Variants in CCDC33 observed in about 807,000 individuals in gnomAD.
CCDC33 encodes the protein coiled-coil domain containing 33.
A neutral mutation model predicts 91.9 loss-of-function variants in CCDC33; 94 were observed. That is an observed-to-expected ratio of 1.02 (90% CI 0.87 to 1.21). The LOEUF is 1.21. Ranked by LOEUF, CCDC33 falls within the 50% of genes most tolerant of loss-of-function variation. The pLI, the probability that CCDC33 is intolerant of heterozygous loss-of-function variation, is 0.00. For synonymous variants in CCDC33, 396 were observed against 374.5 expected (o/e 1.06, Z -0.66); for missense variants, 940 against 935.5 (o/e 1.00, Z -0.06).
intron 2 of CCDC33, among the ~76,000 whole-genome samples, chr15:74,211,152 C>T (rs960789267): frequency 2.7e-4 from 6 of 22,530 alleles, no homozygotes; most frequent in South Asian, 4.9e-3. Flanking sequence ...CGCACGCACA[C>T]GCACACACAC....
At chr15:74,289,676 C>T (rs939622629) in intron 10 of CCDC33, among the ~76,000 whole-genome samples, 1 of 152,250 alleles carries the variant, frequency 6.6e-6, no homozygotes, top group African/African-American at 2.4e-5. Context: ...GATGGTGCCA[C>T]TTGGGGGTGC....
chr15:74,244,502 A>T lies in CCDC33; in HGVS notation c.185+354A>T, dbSNP rs917963686. Among the ~76,000 whole-genome samples the T allele has an allele frequency of 1.1e-4, 17 of 151,842 alleles. No homozygotes were observed. The East Asian group carries it at 3.3e-3, about 29-fold the overall frequency. On this transcript the variant is annotated intron_variant, in intron 2 of 18. Coordinates refer to ENST00000398814, the MANE Select transcript of CCDC33 (RefSeq NM_025055.5). This position sits in a 1 kb window ranked among gnomAD's most constrained non-coding sequence, Gnocchi z 4.2. ...AGATTGGGGAAGGGGAAGATTTGGG[A>T]CCTGCCTCTCCTGACTTCTGGGTGC...
chr15:74,298,234 T>C lies in CCDC33; in HGVS notation c.1290+2286T>C, dbSNP rs181613278. Among the ~76,000 whole-genome samples, 95 of 151,960 alleles carry C rather than the reference T, an allele frequency of 6.3e-4. 1 individual carries two copies. Among genetic ancestry groups the C allele is most frequent in the African/African-American group, 2.3e-3 (94 of 41,376 alleles). On this transcript the variant is annotated intron_variant, in intron 11 of 18. Coordinates refer to ENST00000398814, the MANE Select transcript of CCDC33 (RefSeq NM_025055.5). ...ATTGCTGGGGTGGGTTGGGTTGGAG[T>C]CTGCACTGTACTTATAAAACTTGAT... is the stretch of plus-strand genomic sequence containing the variant.
rs572431031 is a variant in CCDC33 at position 74,280,091 on chromosome 15, A to T, written c.888A>T (p.Ser296=). The T allele has an allele frequency of 5.6e-5, 91 of 1,613,840 alleles. No individual in the cohort carries two copies. The highest frequency in any genetic ancestry group is 7.5e-5 in the Non-Finnish European group (88 of 1,179,892). The part of the protein sequence containing the change: ...ALVLEYYSST[S]MKGSQPWTLN... Reference sequence around the variant, plus strand: ...TGCTGGAGTACTACTCCTCAACTTCAAGTACGTGACCCCTGGTGCCTCGCC... The same window carrying T: ...TGCTGGAGTACTACTCCTCAACTTCTAGTACGTGACCCCTGGTGCCTCGCC... The change falls in exon 8 of 19, where the codon TCA becomes TCT. Residue 296 remains serine, a splice_region_variant and synonymous_variant. Coordinates refer to ENST00000398814, the MANE Select transcript of CCDC33 (RefSeq NM_025055.5).
chr15:74,333,731 A>C (rs2060492199), intron 16 of CCDC33, 150 bp from the exon 17 acceptor site: 2 of 588,700 alleles, frequency 3.4e-6, no homozygotes, highest in East Asian at 5.7e-5. Context: ...CTTCCAGAAG[A>C]GGGTTCGGCC....
At chr15:74,257,021 A>T (rs1156481464) in intron 2 of CCDC33, among the ~76,000 whole-genome samples, 5 of 152,124 alleles carry the variant, frequency 3.3e-5, no homozygotes, top group African/African-American at 1.2e-4. Context: ...AGCAGCCCCC[A>T]TGCCCTGCAG....
chr15:74,313,825 G>T (rs2060039280), intron 11 of CCDC33, among the ~76,000 whole-genome samples: 1 of 152,130 alleles, frequency 6.6e-6, no homozygotes, highest in African/African-American at 2.4e-5. Flanking sequence ...TCACAAGCAT[G>T]CTTGGTGCCA....
rs190768916 is a variant in CCDC33 at position 74,295,856 on chromosome 15, A to G, written c.1198A>G (p.Lys400Glu). Residue 400 changes from lysine to glutamate, a missense_variant, in exon 11 of 19, where the codon AAG becomes GAG. Physicochemically the swap from Lys to Glu is moderately conservative, Grantham distance 56. Transcript: ENST00000398814. ...GAGAACCATCCAAGAGTCCTGGTCC[A>G]AGGACACAGTGAGCTCCACAATGGA... The part of the protein sequence containing the change: ...KLRTIQESWS[K>E]DTVSSTMDLS... The G allele has an allele frequency of 2.5e-4, 405 of 1,614,190 alleles. 2 individuals are homozygous for G. The African/African-American group carries it at 4.7e-3, about 19-fold the overall frequency.
rs2074289279 is a variant in CCDC33 at position 74,207,629 on chromosome 15, T to A, written n.90-1759T>A. 3 of 1,440,628 alleles carry A rather than the reference T, an allele frequency of 2.1e-6. No individual in the cohort carries two copies. In the East Asian group the frequency reaches 7.4e-5, roughly 36 times the overall value. 89.2% of individuals were successfully genotyped at this position (1,440,628 alleles called of 1,614,324 possible). A position where few individuals can be genotyped will look rare whatever the true frequency, so the allele number is the denominator to read the frequency against. On this transcript the variant is annotated intron_variant and non_coding_transcript_variant, in intron 1 of 3. Transcript: ENST00000558645. ...CTCAAACCTCAGGTACACCCCCAAC[T>A]TCGATAGCACGGAAGAGAACACGCA...
intron 2 of CCDC33, among the ~76,000 whole-genome samples, chr15:74,250,122 C>T (rs967031935): frequency 7.2e-5 from 11 of 152,166 alleles, no homozygotes; most frequent in African/African-American, 2.2e-4. Flanking sequence ...CCCGGTCTCT[C>T]GGATTGAGCT....
chr15:74,280,274 G>T lies in CCDC33; in HGVS notation c.889+182G>T, dbSNP rs554269697. Among the ~76,000 whole-genome samples the T allele has an allele frequency of 2.2e-3, 333 of 152,288 alleles. 3 individuals carry two copies. Among genetic ancestry groups the T allele is most frequent in the Admixed American group, 0.02 (302 of 15,288 alleles). On this transcript the variant is annotated intron_variant, in intron 8 of 18. Transcript: ENST00000398814. ...GTTCCTTGTCCACAGGCCAGGACAC[G>T]TGGGCCTGTCCCATACTAGGTCTTG... is the stretch of plus-strand genomic sequence containing the variant.
chr15:74,295,029 C>T (rs1413351679), intron 10 of CCDC33, among the ~76,000 whole-genome samples: 1 of 152,150 alleles, frequency 6.6e-6, no homozygotes, highest in Non-Finnish European at 1.5e-5. Flanking sequence ...AGACTGTCTG[C>T]TTAATGGGTG....
chr15:74,303,434 G>C (rs1386424591), intron 11 of CCDC33: 1 of 152,356 alleles, frequency 6.6e-6, no homozygotes, highest in African/African-American at 2.4e-5. Context: ...ACAGAGAGCA[G>C]AGCCAACCAG....
chr15:74,255,070 C>T (rs776974014), intron 2 of CCDC33, among the ~76,000 whole-genome samples: 6 of 150,210 alleles, frequency 4.0e-5, no homozygotes, highest in Non-Finnish European at 8.9e-5. Flanking sequence ...AAGAGATCCC[C>T]CCTCACCTAG....
chr15:74,284,937 T>C (rs1035725423), intron 10 of CCDC33, among the ~76,000 whole-genome samples: 4 of 152,250 alleles, frequency 2.6e-5, no homozygotes, highest in African/African-American at 9.6e-5. Flanking sequence ...TTCCACCCTT[T>C]AAATCAAATA....
chr15:74,258,822 C>T (rs1478486372), intron 2 of CCDC33, among the ~76,000 whole-genome samples: 1 of 152,140 alleles, frequency 6.6e-6, no homozygotes, highest in Non-Finnish European at 1.5e-5. Flanking sequence ...CATATTTTCC[C>T]TTAGTCATGA....
At chr15:74,309,837 G>A (rs2059958799) in intron 11 of CCDC33, among the ~76,000 whole-genome samples, 1 of 152,182 alleles carries the variant, frequency 6.6e-6, no homozygotes, top group Non-Finnish European at 1.5e-5. Context: ...TGGACTTTAA[G>A]TATGAGGGGA....
intron 2 of CCDC33, among the ~76,000 whole-genome samples, chr15:74,260,167 G>T (rs1258423357): frequency 6.6e-6 from 1 of 152,218 alleles, no homozygotes; most frequent in Non-Finnish European, 1.5e-5. Context: ...AGCGTCATGG[G>T]AGGTACTTAG....
Position 74,316,187 on chromosome 15 carries a change from T to C in CCDC33, c.1291-14002T>C, listed in dbSNP as rs1234248074. On this transcript the variant is annotated intron_variant, in intron 11 of 18. Coordinates refer to ENST00000398814, the MANE Select transcript of CCDC33 (RefSeq NM_025055.5). This position sits in a 1 kb window ranked among gnomAD's most constrained non-coding sequence, Gnocchi z 4.7. ...AGCCCCTGGGGCCTCCCTGGCTTCA[T>C]GGGGCAGGCTCAAGTCCCTCAAGGG... Among the ~76,000 whole-genome samples the C allele has an allele frequency of 6.6e-6, 1 of 152,094 alleles. No individual in the cohort carries two copies. The highest frequency in any genetic ancestry group is 1.5e-5 in the Non-Finnish European group (1 of 68,012).
Sources: allele counts gnomAD v4.1 joint callset (sites outside exome capture counted in the v4.1 genomes callset), GRCh38; gene constraint gnomAD v4.1.1; non-coding constraint Gnocchi (gnomAD v3.1); transcripts MANE v1.5; gene names NCBI Gene and HGNC (gene_info 2026-07-23, HGNC 2026-07-21).